GSTCD: variants seen among roughly 807,000 people sequenced by gnomAD.
The protein encoded by GSTCD is glutathione S-transferase C-terminal domain-containing protein.
In GSTCD, 44 loss-of-function variants were observed where a neutral mutation model predicts 68.3. That is an observed-to-expected ratio of 0.64 (90% CI 0.51 to 0.83). The LOEUF (loss-of-function observed/expected upper bound fraction) is 0.83, where lower values mean the gene tolerates loss of function less well. Ranked by LOEUF, GSTCD falls within the 40% of genes least tolerant of loss-of-function variation. The probability of loss-of-function intolerance (pLI) is 0.00; values close to 1 mark genes in which losing one functional copy is unlikely to be tolerated. For missense variants in GSTCD, 739 were observed against 735.9 expected (o/e 1.00, Z -0.05); for synonymous variants, 273 against 255.2 (o/e 1.07, Z -0.67).
intron 10 of GSTCD, among the ~76,000 whole-genome samples, chr4:105,839,970 C>T (rs770876165): frequency 6.6e-6 from 1 of 152,198 alleles, no homozygotes; most frequent in African/African-American, 2.4e-5. Flanking sequence ...CCCCCAAAAG[C>T]TGCTTGGCCT....
intron 5 of GSTCD, among the ~76,000 whole-genome samples, chr4:105,769,160 A>G (rs1230709089): frequency 6.6e-6 from 1 of 152,038 alleles, no homozygotes; most frequent in Non-Finnish European, 1.5e-5. Flanking sequence ...ATTAAATAAT[A>G]TTTTATTTTC....
At chr4:105,786,662 A>G (rs533926289) in intron 5 of GSTCD, among the ~76,000 whole-genome samples, 121 of 152,204 alleles carry the variant, frequency 7.9e-4, no homozygotes, top group Non-Finnish European at 1.3e-3. Flanking sequence ...AAATAACCCA[A>G]TTTTAAAATG....
At chr4:105,760,294 C>T (rs766702308) in intron 5 of GSTCD, among the ~76,000 whole-genome samples, 7 of 152,046 alleles carry the variant, frequency 4.6e-5, no homozygotes, top group African/African-American at 1.4e-4. Context: ...CTGCTTCAGC[C>T]GCAGGGTTTT....
chr4:105,753,358 A>G (rs1578438109), intron 5 of GSTCD: 1 of 152,072 alleles, frequency 6.6e-6, no homozygotes, highest in Non-Finnish European at 1.5e-5. Context: ...CATGATTTCT[A>G]ATAAAGATAA....
At chr4:105,788,098 G>A (rs1239097717) in intron 5 of GSTCD, among the ~76,000 whole-genome samples, 2 of 151,952 alleles carry the variant, frequency 1.3e-5, no homozygotes, top group South Asian at 2.1e-4. Flanking sequence ...AGTGATGATA[G>A]TGTATATGAT....
intron 5 of GSTCD, among the ~76,000 whole-genome samples, chr4:105,783,416 T>A (rs1249161440): frequency 6.6e-6 from 1 of 152,216 alleles, no homozygotes; most frequent in Non-Finnish European, 1.5e-5. Flanking sequence ...GGTGTTGACC[T>A]ATATGCCTTA....
Position 105,709,030 on chromosome 4 carries a change from T to A in GSTCD, c.-22+14T>A, listed in dbSNP as rs1185080210. The A allele has an allele frequency of 6.6e-6, 1 of 152,554 alleles. No individual in the cohort carries two copies. Among genetic ancestry groups the A allele is most frequent in the Non-Finnish European group, 1.5e-5 (1 of 68,084 alleles). The allele number at this position is 152,554 out of a possible 1,614,324, so 9.5% of individuals were successfully genotyped here. On this transcript the variant is annotated intron_variant, in intron 1 of 11. Coordinates refer to ENST00000515279, the MANE Select transcript of GSTCD (RefSeq NM_001370181.1). ...CTCTGCGACCAGGTAAAGAGGGCGC[T>A]CGGGCCGCCGGCTTCTCAGCCTCCG...
chr4:105,806,092 A>G (rs1240957990), intron 5 of GSTCD, among the ~76,000 whole-genome samples: 1 of 152,108 alleles, frequency 6.6e-6, no homozygotes, highest in Non-Finnish European at 1.5e-5. Flanking sequence ...ATAGGTGTCA[A>G]GTTTACTGAA....
chr4:105,786,068 TATAAA>T (rs996805853), intron 5 of GSTCD, among the ~76,000 whole-genome samples: 21 of 152,272 alleles, frequency 1.4e-4, no homozygotes, highest in African/African-American at 4.8e-4. Context: ...GGATCAAAGA[TATAAA>T]GTAAAATGTA....
At position 105,823,027 on chromosome 4, in the gene GSTCD, G is replaced by A. The variant is rs955955698; in HGVS notation, c.1314G>A (p.Gln438=). The A allele has an allele frequency of 2.5e-6, 4 of 1,613,854 alleles. No individual in the cohort carries two copies. Among genetic ancestry groups the A allele is most frequent in the Admixed American group, 1.7e-5 (1 of 59,998 alleles). ...ACCTTGTCTATGTGGTAACAAATCA[G>A]GCCAAACCTGGTGACAGAATTGTGG... is the stretch of plus-strand genomic sequence containing the variant. ...LNNLVYVVTN[Q]AKPGDRIVDF... is the part of the protein sequence containing the mutation. Residue 438 remains glutamine, a synonymous_variant, in exon 6 of 12, where the codon CAG becomes CAA. Transcript: ENST00000515279.
At chr4:105,772,351 A>T (rs62317677) in intron 5 of GSTCD, among the ~76,000 whole-genome samples, 5,903 of 152,206 alleles carry the variant, frequency 0.039, 173 homozygotes, top group Non-Finnish European at 0.061. Context: ...ATAACCCTTT[A>T]TTTCTTTCTC....
At chr4:105,755,422 T>C (rs1037629061) in intron 5 of GSTCD, among the ~76,000 whole-genome samples, 2 of 152,120 alleles carry the variant, frequency 1.3e-5, no homozygotes, top group African/African-American at 4.8e-5. Context: ...ATATCCCCTT[T>C]ACTATCTGAT....
chr4:105,728,515 T>C (rs987326398), intron 4 of GSTCD, among the ~76,000 whole-genome samples: 2 of 152,172 alleles, frequency 1.3e-5, no homozygotes, highest in African/African-American at 4.8e-5. Flanking sequence ...TGAAAGATTA[T>C]TTGTACTATT....
At chr4:105,717,422 T>G (rs995134257) in intron 1 of GSTCD, among the ~76,000 whole-genome samples, 171 bp from the exon 2 acceptor site, 3 of 152,166 alleles carry the variant, frequency 2.0e-5, no homozygotes, top group African/African-American at 7.2e-5. Flanking sequence ...AGGGTGGAAT[T>G]TTTTTCTTTT....
chr4:105,777,430 G>C (rs1480640354), intron 5 of GSTCD, among the ~76,000 whole-genome samples: 3 of 152,164 alleles, frequency 2.0e-5, no homozygotes, highest in Non-Finnish European at 4.4e-5. Context: ...AATCTGGAAT[G>C]ACTTTCCTCC....
At chr4:105,730,274 G>C (rs1733186959) in intron 5 of GSTCD, among the ~76,000 whole-genome samples, 1 of 152,062 alleles carries the variant, frequency 6.6e-6, no homozygotes, top group African/African-American at 2.4e-5. Context: ...GGGATGGCTG[G>C]GTCAAATGGT....
At chr4:105,710,255 T>TTTTTTTTA (rs1732485671) in intron 1 of GSTCD, among the ~76,000 whole-genome samples, 1 of 147,398 alleles carries the variant, frequency 6.8e-6, no homozygotes. Context: ...TTTTTTTTTT[T>TTTTTTTTA]GAGCTGGAGT....
chr4:105,745,068 T>C (rs1347595497), intron 5 of GSTCD, among the ~76,000 whole-genome samples: 1 of 152,180 alleles, frequency 6.6e-6, no homozygotes, highest in Non-Finnish European at 1.5e-5. Flanking sequence ...TTCTTCCTGC[T>C]TTTTCCAAAT....
intron 5 of GSTCD, among the ~76,000 whole-genome samples, chr4:105,789,370 C>T (rs749512193): frequency 3.3e-5 from 5 of 152,034 alleles, no homozygotes; most frequent in Admixed American, 1.3e-4. Context: ...TGGCTCAGAG[C>T]CTCTCACAAG....
Sources: allele counts gnomAD v4.1 joint callset (sites outside exome capture counted in the v4.1 genomes callset), GRCh38; gene constraint gnomAD v4.1.1; transcripts MANE v1.5; gene names NCBI Gene and HGNC (gene_info 2026-07-23, HGNC 2026-07-21).